Variants in ITGA8 observed in about 807,000 individuals in gnomAD.
ITGA8 encodes the protein integrin subunit alpha 8.
ITGA8 carries 91 observed loss-of-function variants against 142.3 expected under a neutral mutation model. The ratio of observed to expected loss-of-function variants is 0.64; its 90% confidence interval spans 0.54 to 0.76. The LOEUF (loss-of-function observed/expected upper bound fraction) is 0.76. ITGA8 is among the 30% of genes least tolerant of loss of function. ITGA8 has a pLI of 0.00. For missense variants in ITGA8, 1,406 were observed against 1,327.7 expected (o/e 1.06, Z -0.92); for synonymous variants, 505 against 485.2 (o/e 1.04, Z -0.54).
At chr10:15,645,050 G>A (rs1833953097) in intron 12 of ITGA8, among the ~76,000 whole-genome samples, 1 of 123,516 alleles carries the variant, frequency 8.1e-6, no homozygotes, top group Non-Finnish European at 1.6e-5. Flanking sequence ...AGTGAGTTGA[G>A]ATCGTGCCAC....
At chr10:15,613,888 C>T (rs1360547784) in intron 14 of ITGA8, 121 bp from the exon 15 acceptor site, 16 of 656,206 alleles carry the variant, frequency 2.4e-5, no homozygotes, top group African/African-American at 7.3e-5. Flanking sequence ...CCATTGCCAA[C>T]GTTCTCAGCA....
chr10:15,659,788 G>A (rs1390631784), intron 9 of ITGA8, among the ~76,000 whole-genome samples: 2 of 152,180 alleles, frequency 1.3e-5, no homozygotes, highest in African/African-American at 2.4e-5. Context: ...AGGGCAGAAG[G>A]CCACATGAGG....
At chr10:15,628,939 T>C (rs1005621838) in intron 13 of ITGA8, among the ~76,000 whole-genome samples, 6 of 151,870 alleles carry the variant, frequency 4.0e-5, no homozygotes, top group Admixed American at 3.3e-4. Context: ...CAATCCTGAG[T>C]GGTGGGCATT....
chr10:15,710,371 C>T (rs1238884388), intron 2 of ITGA8, among the ~76,000 whole-genome samples: 1 of 152,028 alleles, frequency 6.6e-6, no homozygotes, highest in East Asian at 1.9e-4. Flanking sequence ...GATTGACTAC[C>T]CACAAATAGG....
chr10:15,605,010 G>A (rs1258307127), intron 19 of ITGA8, among the ~76,000 whole-genome samples: 2 of 152,146 alleles, frequency 1.3e-5, no homozygotes, highest in Admixed American at 1.3e-4. Flanking sequence ...TGCATTTGAA[G>A]TTGATAAATT....
chr10:15,670,796 C>T (rs184245487), intron 8 of ITGA8, among the ~76,000 whole-genome samples: 71 of 152,270 alleles, frequency 4.7e-4, no homozygotes, highest in Admixed American at 2.2e-3. Flanking sequence ...TTCCATGACC[C>T]GTAAAACCGG....
chr10:15,564,761 C>A (rs1834049189), intron 25 of ITGA8, among the ~76,000 whole-genome samples: 2 of 152,326 alleles, frequency 1.3e-5, no homozygotes, highest in Non-Finnish European at 1.5e-5. Flanking sequence ...AAAAGCAATG[C>A]ACACTATCTT....
intron 29 of ITGA8, among the ~76,000 whole-genome samples, chr10:15,517,894 G>T (rs1340790376): frequency 6.6e-6 from 1 of 152,238 alleles, no homozygotes; most frequent in East Asian, 1.9e-4. Flanking sequence ...GCTTACTGGA[G>T]CAGAAGCACT....
At chr10:15,655,839 A>G (rs1564394593) in intron 10 of ITGA8, among the ~76,000 whole-genome samples, 1 of 152,172 alleles carries the variant, frequency 6.6e-6, no homozygotes, top group Admixed American at 6.5e-5. Context: ...TAATCCCAGC[A>G]TTCTGGGAGG....
chr10:15,595,391 G>A (rs1832995369), intron 21 of ITGA8, among the ~76,000 whole-genome samples: 1 of 152,088 alleles, frequency 6.6e-6, no homozygotes, highest in Admixed American at 6.5e-5. Context: ...AAAACAGAAT[G>A]CAATAAAATT....
intron 7 of ITGA8, among the ~76,000 whole-genome samples, chr10:15,671,961 A>C (rs936615913): frequency 4.6e-5 from 7 of 151,968 alleles, no homozygotes; most frequent in African/African-American, 1.7e-4. Flanking sequence ...CCTTGAGAGT[A>C]AATGGTGGCT....
chr10:15,604,280 T>G lies in ITGA8; in HGVS notation c.2046A>C (p.Gly682=). Residue 682 remains glycine (G), a synonymous_variant, in exon 20 of 30, where the codon GGA becomes GGC. Transcript: ENST00000378076. ...TTACAAAGAGTTCAGCTTCATATGC[T>G]CCTTCCCCTTCATTTCTTGCATTTA... ...LIINARNEGE[G]AYEAELFVMI... is the part of the protein sequence containing the mutation. 1.2e-6 allele frequency: 2 copies of G among 1,613,064 alleles called. No individual in the cohort carries two copies. The highest frequency in any genetic ancestry group is 2.2e-5 in the South Asian group (2 of 91,006).
chr10:15,601,613 T>C (rs1833106196), intron 20 of ITGA8, among the ~76,000 whole-genome samples: 1 of 152,190 alleles, frequency 6.6e-6, no homozygotes, highest in Admixed American at 6.5e-5. Flanking sequence ...ATGATGATGA[T>C]GATGATAAAT....
intron 21 of ITGA8, among the ~76,000 whole-genome samples, chr10:15,592,709 A>G (rs1335212582): frequency 6.6e-6 from 1 of 152,116 alleles, no homozygotes; most frequent in African/African-American, 2.4e-5. Context: ...GGCTCAAGTG[A>G]TCCTCCTTCC....
In ITGA8 at chr10:15,577,074, T is replaced by G. The variant is rs542293853; in HGVS notation, c.2373-1480A>C. ...AGTCTCCAAACCCAAAGCTGGCGTT[T>G]GCTTTCAGCTTGGCAACAGAGAGTT... On this transcript the variant is annotated intron_variant, in intron 23 of 29. Coordinates refer to ENST00000378076, the MANE Select transcript of ITGA8 (RefSeq NM_003638.3). 1.2e-4 allele frequency among the ~76,000 whole-genome samples: 19 copies of G among 152,352 alleles called. No homozygotes were observed. The South Asian group carries it at 3.3e-3, about 27-fold the overall frequency.
In ITGA8 at chr10:15,671,591, A is replaced by G. The variant is rs1490923722; in HGVS notation, c.847+12T>C. 3 of 1,607,960 alleles carry G rather than the reference A, an allele frequency of 1.9e-6. No individual in the cohort carries two copies. Among genetic ancestry groups the G allele is most frequent in the Non-Finnish European group, 2.6e-6 (3 of 1,174,496 alleles). On this transcript the variant is annotated intron_variant, in intron 8 of 29. Coordinates refer to ENST00000378076, the MANE Select transcript of ITGA8 (RefSeq NM_003638.3). ...GCTTTATAAGTGATTTAAACTCAAC[A>G]GTGCCTCTCACCTTGCTGAGAATCC... is the stretch of plus-strand genomic sequence containing the variant.
At chr10:15,524,487 A>G (rs1204062039) in intron 28 of ITGA8, among the ~76,000 whole-genome samples, 1 of 152,222 alleles carries the variant, frequency 6.6e-6, no homozygotes, top group African/African-American at 2.4e-5. Context: ...TCTGCACACA[A>G]CATCATTAGA....
chr10:15,541,695 T>C (rs1833573075), intron 27 of ITGA8, among the ~76,000 whole-genome samples: 2 of 152,112 alleles, frequency 1.3e-5, no homozygotes, highest in African/African-American at 4.8e-5. Context: ...AAGAAAACAT[T>C]CCTCCTGCTC....
chr10:15,604,485 G>C lies in ITGA8; in HGVS notation c.1971-130C>G, dbSNP rs917497707. 7.1e-6 allele frequency: 4 copies of C among 560,924 alleles called. No individual in the cohort carries two copies. In the African/African-American group the frequency reaches 7.9e-5, roughly 11 times the overall value. The allele number at this position is 560,924 out of a possible 1,614,324, so 34.7% of individuals were successfully genotyped here. On this transcript the variant is annotated intron_variant, in intron 19 of 29. Coordinates refer to ENST00000378076, the MANE Select transcript of ITGA8 (RefSeq NM_003638.3). Reference sequence around the variant, plus strand: ...AAAAAAGAAGATGGACCATCATGAAGAGATGGTAGGAAGAGGCAAGAGAAT... The same window carrying C: ...AAAAAAGAAGATGGACCATCATGAACAGATGGTAGGAAGAGGCAAGAGAAT...
Sources: allele counts gnomAD v4.1 joint callset (sites outside exome capture counted in the v4.1 genomes callset), GRCh38; gene constraint gnomAD v4.1.1; transcripts MANE v1.5; gene names NCBI Gene and HGNC (gene_info 2026-07-23, HGNC 2026-07-21).